The following CTNNA2 variants were observed in gnomAD, a reference collection of about 807,000 sequenced individuals.
CTNNA2 encodes the protein catenin alpha-2.
A neutral mutation model predicts 101.0 loss-of-function variants in CTNNA2; 42 were observed. That is an observed-to-expected ratio of 0.42 (90% CI 0.32 to 0.54). The LOEUF (loss-of-function observed/expected upper bound fraction) is 0.54, where lower values mean the gene tolerates loss of function less well. Ranked by LOEUF, CTNNA2 falls within the 20% of genes least tolerant of loss-of-function variation. CTNNA2 has a pLI of 0.14. For synonymous variants in CTNNA2, 450 were observed against 456.4 expected, an observed-to-expected ratio of 0.99 and a Z score of 0.18; for missense variants, 871 against 1,223.1, an observed-to-expected ratio of 0.71 and a Z score of 4.29.
chr2:80,067,951 G>T (rs1339768010), intron 7 of CTNNA2, among the ~76,000 whole-genome samples: 1 of 152,180 alleles, frequency 6.6e-6, no homozygotes, highest in Non-Finnish European at 1.5e-5. Context: ...CATCTTGACC[G>T]CAACCTGATG....
intron 2 of CTNNA2, among the ~76,000 whole-genome samples, chr2:79,666,659 A>G (rs1682441950): frequency 6.6e-6 from 1 of 152,182 alleles, no homozygotes; most frequent in South Asian, 2.1e-4. Flanking sequence ...ACGTTACTTC[A>G]AATTCTTTTT....
intron 3 of CTNNA2, among the ~76,000 whole-genome samples, chr2:79,832,377 T>A (rs1025951507): frequency 2.0e-5 from 3 of 152,210 alleles, no homozygotes; most frequent in African/African-American, 7.2e-5. Context: ...TTCGGGCAGA[T>A]TTGTTGAATT....
chr2:79,392,872 C>G (rs1005040348), intron 4 of CTNNA2, among the ~76,000 whole-genome samples: 1 of 152,148 alleles, frequency 6.6e-6, no homozygotes, highest in Non-Finnish European at 1.5e-5. Flanking sequence ...TCAGTTCTTT[C>G]AAATGAATAG....
At chr2:80,603,415 T>A (rs1697726174) in intron 15 of CTNNA2, among the ~76,000 whole-genome samples, 1 of 152,198 alleles carries the variant, frequency 6.6e-6, no homozygotes, top group African/African-American at 2.4e-5. Context: ...CTTTGTACGT[T>A]CTTTCATAAA....
chr2:79,431,508 G>A (rs539326636), intron 4 of CTNNA2, among the ~76,000 whole-genome samples: 3 of 152,008 alleles, frequency 2.0e-5, no homozygotes, highest in South Asian at 2.1e-4. Context: ...AAAACTATTC[G>A]CTCTTAAAAC....
At position 79,912,162 on chromosome 2, in the gene CTNNA2, TA is replaced by T. The variant is rs1685846781; in HGVS notation, c.1056+2370del. 2.0e-5 allele frequency among the ~76,000 whole-genome samples: 3 copies of T among 152,350 alleles called. No individual in the cohort carries two copies. In the South Asian group the frequency reaches 6.2e-4, roughly 32 times the overall value. ...AACAAGTTGTTAAACTGAAAATATT[TA>T]AAAATCAGCATAACTGACATTTCTG... On this transcript the variant is annotated intron_variant, in intron 7 of 18. Coordinates refer to ENST00000402739, the MANE Select transcript of CTNNA2 (RefSeq NM_001282597.3).
At chr2:79,776,147 G>T (rs994642049) in intron 3 of CTNNA2, among the ~76,000 whole-genome samples, 7 of 152,150 alleles carry the variant, frequency 4.6e-5, no homozygotes, top group Admixed American at 6.5e-5. Context: ...ACTTTCATCT[G>T]CCTGAAATTT....
At chr2:79,676,236 G>A (rs565814101) in intron 2 of CTNNA2, among the ~76,000 whole-genome samples, 1 of 152,302 alleles carries the variant, frequency 6.6e-6, no homozygotes, top group East Asian at 1.9e-4. Flanking sequence ...AACTTTTAGT[G>A]GATCAAGAAC....
chr2:80,026,284 T>C (rs1187381560), intron 7 of CTNNA2, among the ~76,000 whole-genome samples: 1 of 152,050 alleles, frequency 6.6e-6, no homozygotes, highest in African/African-American at 2.4e-5. Context: ...AAGAATGAGA[T>C]GGGATGGATT....
chr2:80,273,187 C>T (rs1252812670), intron 7 of CTNNA2, among the ~76,000 whole-genome samples: 1 of 152,114 alleles, frequency 6.6e-6, no homozygotes, highest in Non-Finnish European at 1.5e-5. Flanking sequence ...AAATCTTGCA[C>T]TGGGTGGAGA....
intron 7 of CTNNA2, among the ~76,000 whole-genome samples, chr2:80,071,609 C>T (rs1403356572): frequency 6.6e-6 from 1 of 152,184 alleles, no homozygotes; most frequent in African/African-American, 2.4e-5. Flanking sequence ...ACTTCTCTCA[C>T]CCAGACTGAT....
At chr2:80,379,059 A>C (rs763470072) in intron 7 of CTNNA2, among the ~76,000 whole-genome samples, 1 of 152,092 alleles carries the variant, frequency 6.6e-6, no homozygotes, top group Non-Finnish European at 1.5e-5. Flanking sequence ...GGGCATAATT[A>C]CAAGGGAACG....
intron 2 of CTNNA2, among the ~76,000 whole-genome samples, chr2:79,263,237 T>A (rs1388242559): frequency 6.6e-6 from 1 of 152,192 alleles, no homozygotes; most frequent in Non-Finnish European, 1.5e-5. Context: ...GTGTTGGAGA[T>A]GAGGCCTAGT....
At chr2:80,573,033 TTAAA>T (rs1694740514) in intron 12 of CTNNA2, 1 of 152,160 alleles carries the variant, frequency 6.6e-6, no homozygotes, top group African/African-American at 2.4e-5. Flanking sequence ...CACAGAGGGA[TTAAA>T]ATGGATATTA....
chr2:80,596,403 G>A (rs1274046518), intron 15 of CTNNA2, among the ~76,000 whole-genome samples: 6 of 140,278 alleles, frequency 4.3e-5, no homozygotes, highest in South Asian at 2.4e-4. Context: ...TCCACCTCCC[G>A]GGTTCATGCC....
At chr2:80,266,121 T>G (rs1240708870) in intron 7 of CTNNA2, among the ~76,000 whole-genome samples, 1 of 152,228 alleles carries the variant, frequency 6.6e-6, no homozygotes, top group African/African-American at 2.4e-5. Context: ...CCATGGGATT[T>G]GCCTAGATGA....
At chr2:80,116,296 CT>C (rs1701513467) in intron 7 of CTNNA2, among the ~76,000 whole-genome samples, 1 of 149,232 alleles carries the variant, frequency 6.7e-6, no homozygotes, top group Non-Finnish European at 1.5e-5. Context: ...TGTGTTCTGG[CT>C]GTTACAGGTT....
At chr2:79,466,796 A>G (rs1670942005) in intron 4 of CTNNA2, among the ~76,000 whole-genome samples, 1 of 152,256 alleles carries the variant, frequency 6.6e-6, no homozygotes, top group South Asian at 2.1e-4. Flanking sequence ...GCAAGCTCCA[A>G]CAGAACTGCA....
chr2:79,886,656 T>C lies in CTNNA2; in HGVS notation c.852+12314T>C, dbSNP rs541396588. On this transcript the variant is annotated intron_variant, in intron 6 of 18. Coordinates refer to ENST00000402739, the MANE Select transcript of CTNNA2 (RefSeq NM_001282597.3). ...GTCCCAGCTACTCGGGAGGCTGAGG[T>C]AGGAGAATGGCATGAACCCGGGAGG... is the stretch of plus-strand genomic sequence containing the variant. Among the ~76,000 whole-genome samples, 517 of 133,314 alleles carry C rather than the reference T, an allele frequency of 3.9e-3. 1 individual carries two copies. Among genetic ancestry groups the C allele is most frequent in the African/African-American group, 0.014 (483 of 34,808 alleles). 87.5% of individuals were successfully genotyped at this position (133,314 alleles called of 152,430 possible).
Sources: allele counts gnomAD v4.1 joint callset (sites outside exome capture counted in the v4.1 genomes callset), GRCh38; gene constraint gnomAD v4.1.1; transcripts MANE v1.5; gene names NCBI Gene and HGNC (gene_info 2026-07-23, HGNC 2026-07-21).